Variants in PCDHA7 observed in about 807,000 individuals in gnomAD.
The protein encoded by PCDHA7 is protocadherin alpha-7.
A neutral mutation model predicts 57.2 loss-of-function variants in PCDHA7; 37 were observed. The observed-to-expected ratio is 0.65, with a 90% confidence interval of 0.50 to 0.85. The LOEUF (loss-of-function observed/expected upper bound fraction) is 0.85. Ranked by LOEUF, PCDHA7 falls within the 40% of genes least tolerant of loss-of-function variation. The pLI, the probability that PCDHA7 is intolerant of heterozygous loss-of-function variation, is 0.00. For synonymous variants in PCDHA7, 553 were observed against 558.8 expected (o/e 0.99, Z 0.15); for missense variants, 1,188 against 1,241.8 (o/e 0.96, Z 0.65).
At chr5:140,969,760 C>T (rs1166018588) in intron 1 of PCDHA7, among the ~76,000 whole-genome samples, 1 of 152,194 alleles carries the variant, frequency 6.6e-6, no homozygotes, top group Non-Finnish European at 1.5e-5. Flanking sequence ...TTAAAAAGCT[C>T]TGAGGCCTCT....
chr5:140,906,744 A>G (rs2072897297), intron 1 of PCDHA7, among the ~76,000 whole-genome samples: 1 of 152,210 alleles, frequency 6.6e-6, no homozygotes, highest in Admixed American at 6.5e-5. Context: ...CCATTGACAC[A>G]GGGCATGGTA....
intron 1 of PCDHA7, among the ~76,000 whole-genome samples, chr5:140,921,386 A>C (rs2080192825): frequency 6.6e-6 from 1 of 152,156 alleles, no homozygotes; most frequent in African/African-American, 2.4e-5. Flanking sequence ...ATATTTGATA[A>C]ACATTCACAC....
At chr5:140,880,840 GT>G (rs1554171522) in intron 1 of PCDHA7, among the ~76,000 whole-genome samples, 2 of 152,176 alleles carry the variant, frequency 1.3e-5, no homozygotes, top group Admixed American at 6.5e-5. Flanking sequence ...ATTTTAAATG[GT>G]TGACTATGTA....
chr5:141,001,058 A>G (rs1554257985), intron 3 of PCDHA7, among the ~76,000 whole-genome samples: 2 of 152,146 alleles, frequency 1.3e-5, no homozygotes, highest in African/African-American at 4.8e-5. Flanking sequence ...TAAATCATTT[A>G]AAATTAAATA....
chr5:140,947,347 G>A (rs1554218167), intron 1 of PCDHA7, among the ~76,000 whole-genome samples: 1 of 151,534 alleles, frequency 6.6e-6, no homozygotes, highest in Non-Finnish European at 1.5e-5. Context: ...CTTAATTCTG[G>A]ACTCTATTTC....
chr5:140,857,855 A>T, intron 1 of PCDHA7: 1 of 1,597,468 alleles, frequency 6.3e-7, no homozygotes, highest in Non-Finnish European at 8.6e-7. Context: ...CTCTGGATAC[A>T]ACGCGTGGCT....
intron 3 of PCDHA7, among the ~76,000 whole-genome samples, chr5:140,994,117 G>A (rs889813029): frequency 2.6e-5 from 4 of 152,198 alleles, no homozygotes; most frequent in Admixed American, 6.5e-5. Flanking sequence ...ATTGTCATGT[G>A]ATAAGGGCGA....
intron 1 of PCDHA7, chr5:140,928,482 TG>T (rs782531828): frequency 6.2e-7 from 1 of 1,614,024 alleles, no homozygotes; most frequent in African/African-American, 1.3e-5. Context: ...GCCGGGATGG[TG>T]GCATTCCTCC....
chr5:140,982,663 A>G (rs2096995052), intron 3 of PCDHA7, 100 bp downstream of exon 3: 5 of 1,473,648 alleles, frequency 3.4e-6, no homozygotes, highest in Admixed American at 2.6e-5. Context: ...TTTTTCTTTT[A>G]TATTTTTGTT....
At chr5:140,977,448 CTCCTT>C (rs1554238572) in intron 1 of PCDHA7, among the ~76,000 whole-genome samples, 2 of 152,212 alleles carry the variant, frequency 1.3e-5, no homozygotes, top group Non-Finnish European at 2.9e-5. Context: ...ATAATGGAAA[CTCCTT>C]TGATTTGGTC....
chr5:140,843,876 C>A, intron 1 of PCDHA7: 1 of 763,300 alleles, frequency 1.3e-6, no homozygotes, highest in African/African-American at 1.8e-5. Flanking sequence ...TTCTCAGTGG[C>A]ATAATACAGT....
At chr5:140,882,336 C>A (rs781805621) in intron 1 of PCDHA7, 31 of 1,614,044 alleles carry the variant, frequency 1.9e-5, no homozygotes, top group Non-Finnish European at 2.5e-5. Flanking sequence ...ATCCTCGCAG[C>A]CTGGGAGACG....
chr5:140,984,413 C>A lies in PCDHA7; in HGVS notation c.2503+1850C>A, dbSNP rs75063168. Among the ~76,000 whole-genome samples, 1,502 of 152,262 alleles carry A rather than the reference C, an allele frequency of 9.9e-3. 20 individuals carry two copies. Among genetic ancestry groups the A allele is most frequent in the African/African-American group, 0.035 (1,434 of 41,536 alleles). On this transcript the variant is annotated intron_variant, in intron 3 of 3. Transcript: ENST00000525929. ...AAATGTTGAGAACCTATCTTTTTTA[C>A]AGAGATAGAGAAGGGGATCTCCCTT...
At position 140,990,539 on chromosome 5, in the gene PCDHA7, A is replaced by G. The variant is rs2097398985; in HGVS notation, c.2503+7976A>G. ...TGTCTTTTTTGACTGTGCATCATAG[A>G]TACTGTATTACCCAAGAACACACAC... is the stretch of plus-strand genomic sequence containing the variant. On this transcript the variant is annotated intron_variant, in intron 3 of 3. Transcript: ENST00000525929. Among the ~76,000 whole-genome samples the G allele has an allele frequency of 2.6e-5, 4 of 152,262 alleles. No homozygotes were observed. In the South Asian group the frequency reaches 6.2e-4, roughly 24 times the overall value.
chr5:140,852,729 T>C, intron 1 of PCDHA7: 1 of 983,952 alleles, frequency 1.0e-6, no homozygotes, highest in South Asian at 4.8e-5. Flanking sequence ...TTTTTCAAGT[T>C]TCATGTGCCA....
chr5:140,946,631 T>TATATATATATAC (rs57893927), intron 1 of PCDHA7, among the ~76,000 whole-genome samples: 3,699 of 131,684 alleles, frequency 0.028, 186 homozygotes, highest in East Asian at 0.064. Flanking sequence ...TATATATATA[T>TATATATATATAC]ACAATGGAAT....
At chr5:140,850,328 GCAGCC>G (rs2150480020) in intron 1 of PCDHA7, 3 of 1,597,678 alleles carry the variant, frequency 1.9e-6, no homozygotes, top group South Asian at 2.2e-5. Context: ...CATACGAGCT[GCAGCC>G]AGAAACGGCC....
chr5:140,845,302 C>A lies in PCDHA7; in HGVS notation c.2355+8564C>A, dbSNP rs2150378107. On this transcript the variant is annotated intron_variant, in intron 1 of 3. Coordinates refer to ENST00000525929, the MANE Select transcript of PCDHA7 (RefSeq NM_018910.3). ...TATTTCCTATCCTGTCTATGTCTAC[C>A]TGGTTCTCAGGTATTACTTTAATTA... is the stretch of plus-strand genomic sequence containing the variant. 3.4e-5 allele frequency among the ~76,000 whole-genome samples: 5 copies of A among 148,988 alleles called. 1 individual carries two copies. Among genetic ancestry groups the A allele is most frequent in the Non-Finnish European group, 6.0e-5 (4 of 66,584 alleles).
At chr5:140,990,736 C>G (rs181451094) in intron 3 of PCDHA7, among the ~76,000 whole-genome samples, 22 of 152,218 alleles carry the variant, frequency 1.4e-4, no homozygotes, top group African/African-American at 5.3e-4. Flanking sequence ...TATCAACAGC[C>G]CTAGGGTGGA....
Sources: gnomAD v4.1 joint callset for allele counts (sites outside exome capture counted in the v4.1 genomes callset) on GRCh38, gnomAD v4.1.1 for gene constraint, MANE v1.5 for transcripts, NCBI Gene and HGNC (gene_info 2026-07-23, HGNC 2026-07-21) for gene names.